SLC35F1: variants seen among roughly 807,000 people sequenced by gnomAD.
SLC35F1 encodes the protein solute carrier family 35 member F1.
Under a neutral mutation model 48.7 loss-of-function variants are expected in SLC35F1, and 14 were observed. The observed-to-expected ratio is 0.29, with a 90% CI of 0.19 to 0.45. The LOEUF is 0.45. Among genes scored for constraint, SLC35F1 ranks in the 20% least tolerant of loss-of-function variants. The pLI is 1.00. For synonymous variants in SLC35F1, 190 were observed against 202.2 expected, an observed-to-expected ratio of 0.94 and a Z score of 0.51; for missense variants, 404 against 500.0, an observed-to-expected ratio of 0.81 and a Z score of 1.83.
At chr6:118,221,562 T>C (rs972722255) in intron 2 of SLC35F1, among the ~76,000 whole-genome samples, 4 of 152,316 alleles carry the variant, frequency 2.6e-5, no homozygotes, top group Admixed American at 1.3e-4. Context: ...AAAAACACCA[T>C]TGATATTCTT....
chr6:118,138,826 T>A (rs1773837696), intron 1 of SLC35F1, among the ~76,000 whole-genome samples: 1 of 152,144 alleles, frequency 6.6e-6, no homozygotes, highest in Admixed American at 6.5e-5. Flanking sequence ...AAATAATGTG[T>A]GCTCATTATT....
intron 1 of SLC35F1, among the ~76,000 whole-genome samples, chr6:118,094,248 T>C (rs1384722261): frequency 6.6e-6 from 1 of 152,130 alleles, no homozygotes; most frequent in Middle Eastern, 3.2e-3. Flanking sequence ...GCACTGATCA[T>C]AGGAGAGAAT....
chr6:117,917,224 G>T (rs1031644255), intron 1 of SLC35F1, among the ~76,000 whole-genome samples: 1 of 152,108 alleles, frequency 6.6e-6, no homozygotes, highest in Admixed American at 6.5e-5. Context: ...TCTTCATAAT[G>T]ATGTGAAAGA....
At chr6:118,196,572 T>C (rs1224800169) in intron 2 of SLC35F1, among the ~76,000 whole-genome samples, 1 of 151,856 alleles carries the variant, frequency 6.6e-6, no homozygotes, top group African/African-American at 2.4e-5. Flanking sequence ...AAAAATTAGC[T>C]GGGTGTCATG....
At chr6:118,119,875 T>C (rs976973161) in intron 1 of SLC35F1, among the ~76,000 whole-genome samples, 1 of 152,072 alleles carries the variant, frequency 6.6e-6, no homozygotes, top group African/African-American at 2.4e-5. Context: ...AGGTCACATA[T>C]CAAAAAGGAT....
At chr6:118,155,741 CT>C (rs1774130927) in intron 2 of SLC35F1, among the ~76,000 whole-genome samples, 1 of 151,974 alleles carries the variant, frequency 6.6e-6, no homozygotes, top group Admixed American at 6.6e-5. Flanking sequence ...TAGCTGTCAG[CT>C]GTAAAATGTG....
intron 7 of SLC35F1, among the ~76,000 whole-genome samples, chr6:118,305,498 A>T (rs887453793): frequency 6.6e-6 from 1 of 152,178 alleles, no homozygotes; most frequent in Non-Finnish European, 1.5e-5. Flanking sequence ...TGTCTTTTAA[A>T]TAATACTTAA....
At chr6:118,066,728 A>G (rs1031730688) in intron 1 of SLC35F1, among the ~76,000 whole-genome samples, 4 of 151,726 alleles carry the variant, frequency 2.6e-5, no homozygotes, top group Non-Finnish European at 4.4e-5. Flanking sequence ...TAGCTTATCT[A>G]AGGCAGTAGT....
At chr6:118,044,056 T>C (rs1238899442) in intron 1 of SLC35F1, among the ~76,000 whole-genome samples, 1 of 152,192 alleles carries the variant, frequency 6.6e-6, no homozygotes, top group Non-Finnish European at 1.5e-5. Flanking sequence ...ACTTTATAGA[T>C]GCCAGGATGC....
chr6:118,278,940 T>C (rs1405304742), intron 6 of SLC35F1, among the ~76,000 whole-genome samples: 1 of 152,200 alleles, frequency 6.6e-6, no homozygotes, highest in African/African-American at 2.4e-5. Flanking sequence ...AAATGAGTCA[T>C]CAAAAGATAG....
chr6:118,104,858 C>T (rs1773308185), intron 1 of SLC35F1, among the ~76,000 whole-genome samples: 1 of 152,274 alleles, frequency 6.6e-6, no homozygotes, highest in Non-Finnish European at 1.5e-5. Flanking sequence ...AGTCCAGCCC[C>T]TCAGGTGTCT....
intron 1 of SLC35F1, among the ~76,000 whole-genome samples, chr6:118,104,715 A>G (rs937792384): frequency 1.3e-5 from 2 of 152,178 alleles, no homozygotes; most frequent in Non-Finnish European, 2.9e-5. Context: ...TAGGAGCTGC[A>G]ATGCTTTGGA....
intron 1 of SLC35F1, among the ~76,000 whole-genome samples, chr6:118,060,515 T>C (rs1011821341): frequency 6.6e-6 from 1 of 152,176 alleles, no homozygotes; most frequent in Admixed American, 6.5e-5. Flanking sequence ...GTTAGGTTTG[T>C]TATTTTGTAG....
intron 2 of SLC35F1, among the ~76,000 whole-genome samples, chr6:118,192,075 T>C (rs1469403531): frequency 6.6e-6 from 1 of 152,216 alleles, no homozygotes; most frequent in Non-Finnish European, 1.5e-5. Flanking sequence ...TTGTTTAATA[T>C]TGGACTTATA....
At chr6:118,060,706 CTG>C (rs1419294390) in intron 1 of SLC35F1, among the ~76,000 whole-genome samples, 2 of 152,260 alleles carry the variant, frequency 1.3e-5, no homozygotes, top group East Asian at 3.9e-4. Context: ...GGACACAACT[CTG>C]TATTATTTTT....
intron 1 of SLC35F1, among the ~76,000 whole-genome samples, chr6:117,926,289 C>G (rs1334537731): frequency 6.6e-6 from 1 of 152,150 alleles, no homozygotes; most frequent in Non-Finnish European, 1.5e-5. Context: ...CATTCTCTCT[C>G]CTGCTGCCCT....
chr6:117,995,633 C>T (rs535389494), intron 1 of SLC35F1, among the ~76,000 whole-genome samples: 6 of 152,008 alleles, frequency 3.9e-5, no homozygotes, highest in East Asian at 1.9e-4. Flanking sequence ...CCCAGCTGCT[C>T]GAGAGGCTGA....
chr6:117,980,757 A>AT (rs1335187331), intron 1 of SLC35F1, among the ~76,000 whole-genome samples: 1 of 152,234 alleles, frequency 6.6e-6, no homozygotes, highest in Non-Finnish European at 1.5e-5. Flanking sequence ...AAGAGAATCA[A>AT]TTTTGTGGGG....
chr6:118,170,332 G>A (rs1255346742), intron 2 of SLC35F1, among the ~76,000 whole-genome samples: 1 of 152,194 alleles, frequency 6.6e-6, no homozygotes, highest in African/African-American at 2.4e-5. Context: ...GATATAACAT[G>A]CTAATATGTC....
Sources: allele counts gnomAD v4.1 joint callset (sites outside exome capture counted in the v4.1 genomes callset), GRCh38; gene constraint gnomAD v4.1.1; transcripts MANE v1.5; gene names NCBI Gene and HGNC (gene_info 2026-07-23, HGNC 2026-07-21).